IRAG2: variants seen among roughly 807,000 people sequenced by gnomAD.
The protein encoded by IRAG2 is inositol 1,4,5-triphosphate receptor associated 2, also known as lymphoid restricted membrane protein.
A neutral mutation model predicts 69.9 loss-of-function variants in IRAG2; 45 were observed. That is an observed-to-expected ratio of 0.64 (90% CI 0.51 to 0.83). IRAG2 has a LOEUF of 0.83. Among genes scored for constraint, IRAG2 ranks in the 40% least tolerant of loss-of-function variants. The probability of loss-of-function intolerance (pLI) is 0.00; values close to 1 mark genes in which losing one functional copy is unlikely to be tolerated. For missense variants in IRAG2, 520 were observed against 587.0 expected (o/e 0.89, Z 1.18); for synonymous variants, 193 against 202.4 (o/e 0.95, Z 0.40).
intron 16 of IRAG2, among the ~76,000 whole-genome samples, chr12:25,042,672 G>A (rs1944759881): frequency 1.3e-5 from 2 of 151,908 alleles, no homozygotes; most frequent in South Asian, 4.2e-4. Context: ...TCACCATGTT[G>A]GCCAGGATGG....
At chr12:25,006,615 T>C (rs560996890) in intron 2 of IRAG2, among the ~76,000 whole-genome samples, 10 of 152,298 alleles carry the variant, frequency 6.6e-5, no homozygotes, top group African/African-American at 2.2e-4. Flanking sequence ...AGCGAACTAA[T>C]GCAGGAACAG....
chr12:25,031,793 G>T (rs952058424), intron 10 of IRAG2, among the ~76,000 whole-genome samples: 10 of 152,138 alleles, frequency 6.6e-5, no homozygotes, highest in African/African-American at 2.4e-4. Context: ...CTCCTGAGTA[G>T]CTGGGATTAC....
At chr12:25,044,016 A>G (rs931912056) in intron 16 of IRAG2, among the ~76,000 whole-genome samples, 2 of 152,214 alleles carry the variant, frequency 1.3e-5, no homozygotes, top group African/African-American at 4.8e-5. Context: ...GTAACACTGT[A>G]ATGGTTGTGG....
At chr12:25,013,195 G>C (rs1454719214) in intron 3 of IRAG2, among the ~76,000 whole-genome samples, 1 of 152,146 alleles carries the variant, frequency 6.6e-6, no homozygotes, top group Non-Finnish European at 1.5e-5. Context: ...ATGCAGTCTT[G>C]GCCGGGGGTG....
At chr12:25,073,885 G>A (rs1255297847) in intron 6 of IRAG2, among the ~76,000 whole-genome samples, 1 of 152,182 alleles carries the variant, frequency 6.6e-6, no homozygotes, top group Non-Finnish European at 1.5e-5. Flanking sequence ...AACAAGATTG[G>A]CCATAGGTTG....
chr12:25,095,620 T>G (rs2140204062), intron 14 of IRAG2, among the ~76,000 whole-genome samples: 1 of 152,302 alleles, frequency 6.6e-6, no homozygotes, highest in Admixed American at 6.5e-5. Context: ...TTTAATGTCT[T>G]TTTCTGGCTT....
rs1373963525 is a variant in IRAG2, at chr12:25,103,862, T to C, written c.959T>C (p.Ile320Thr). The change falls in exon 18 of 22, where the codon ATT becomes ACT. Residue 320 changes from isoleucine to threonine, a missense_variant. Ile to Thr is a moderately conservative substitution (Grantham distance 89). Coordinates refer to ENST00000556887, the MANE Select transcript of IRAG2 (RefSeq NM_001366544.2). ...SKPSSLRRVT[I>T]ASLPRNIGNA... is the part of the protein sequence containing the mutation. ...CCATCTTCTCTACGAAGAGTGACTA[T>C]TGCCTCTTTACCCAGAAATATTGGA... The C allele has an allele frequency of 4.3e-6, 7 of 1,613,284 alleles. No individual in the cohort carries two copies. The highest frequency in any genetic ancestry group is 2.2e-5 in the South Asian group (2 of 91,056).
At position 25,004,997 on chromosome 12, in the gene IRAG2, AT is replaced by A. The variant is rs761714926; in HGVS notation, c.574+83del. On this transcript the variant is annotated intron_variant, in intron 1 of 38. Transcript: ENST00000636465. ...TTTAGAATACCTGAACTAAAAAAAA[AT>A]CTACATTATTAAAGTTTGGATGGAA... 15 of 867,894 alleles carry A rather than the reference AT, an allele frequency of 1.7e-5. No homozygotes were observed. In the Middle Eastern group the frequency reaches 1.6e-3, roughly 91 times the overall value. The allele number at this position is 867,894 out of a possible 1,614,324, so 53.8% of individuals were successfully genotyped here.
chr12:25,064,418 G>A (rs1945837569), intron 4 of IRAG2, among the ~76,000 whole-genome samples: 1 of 152,178 alleles, frequency 6.6e-6, no homozygotes, highest in Non-Finnish European at 1.5e-5. Flanking sequence ...AAGGTTTTGG[G>A]TTGAGATACA....
exon 4 of IRAG2, chr12:25,015,189 G>A (rs1944516568): frequency 8.7e-7 from 1 of 1,152,020 alleles, no homozygotes. Context: ...CAGGGAAGGA[G>A]TGAATCATAG....
upstream of IRAG2, among the ~76,000 whole-genome samples, chr12:25,003,849 T>C (rs1944410976): frequency 6.6e-6 from 1 of 152,202 alleles, no homozygotes; most frequent in East Asian, 1.9e-4. Context: ...ACCAGTACAA[T>C]ACCAATGGTA....
chr12:25,048,961 G>A (rs1351575028), upstream of IRAG2, among the ~76,000 whole-genome samples: 1 of 152,184 alleles, frequency 6.6e-6, no homozygotes, highest in African/African-American at 2.4e-5. Context: ...AAGGGGACCA[G>A]TTTCAATTTT....
chr12:25,066,256 C>T lies in IRAG2; in HGVS notation c.-206-109C>T, dbSNP rs1591985778. 16 of 394,670 alleles carry T rather than the reference C, an allele frequency of 4.1e-5. No homozygotes were observed. In the East Asian group the frequency reaches 5.4e-4, roughly 13 times the overall value. The allele number at this position is 394,670 out of a possible 1,614,324, so 24.4% of individuals were successfully genotyped here. A position where few individuals can be genotyped will look rare whatever the true frequency, so the allele number is the denominator to read the frequency against. The stretch of plus-strand genomic sequence containing the variant: ...GTTTATGTTAAAATGTGAATAGAAG[C>T]GGGTTAACTTTCACTTTTTCAGTCT... On this transcript the variant is annotated intron_variant, in intron 4 of 21. Coordinates refer to ENST00000556887, the MANE Select transcript of IRAG2 (RefSeq NM_001366544.2).
chr12:25,105,634 T>A (rs1232134348), intron 20 of IRAG2, among the ~76,000 whole-genome samples: 1 of 136,692 alleles, frequency 7.3e-6, no homozygotes, highest in African/African-American at 2.7e-5. Flanking sequence ...GAATTTGAGC[T>A]GGTTGGAAAA....
In IRAG2 at chr12:25,063,826, C is replaced by G. The variant is rs552331532; in HGVS notation, c.-207+10C>G. On this transcript the variant is annotated intron_variant, in intron 4 of 21. Coordinates refer to ENST00000556887, the MANE Select transcript of IRAG2 (RefSeq NM_001366544.2). ...TACACACCTCTGCTGGGTAAGCCCC[C>G]CTTCTATACCTGCTCAGACACAAGT... 1.0e-5 allele frequency: 4 copies of G among 398,846 alleles called. No homozygotes were observed. Among genetic ancestry groups the G allele is most frequent in the Non-Finnish European group, 1.3e-5 (3 of 226,042 alleles). 24.7% of individuals were successfully genotyped at this position (398,846 alleles called of 1,614,324 possible).
chr12:25,098,173 TCTC>T (rs1463853766), intron 15 of IRAG2, among the ~76,000 whole-genome samples: 1 of 152,178 alleles, frequency 6.6e-6, no homozygotes, highest in African/African-American at 2.4e-5. Context: ...TAAATCCGCT[TCTC>T]CACCTCTCAT....
chr12:25,015,088 G>GAAAAAAAAAAAAATAAAA (rs1944511281), intron 3 of IRAG2: 1 of 50,218 alleles, frequency 2.0e-5, no homozygotes, highest in Non-Finnish European at 3.3e-5. Flanking sequence ...GCATAAATCT[G>GAAAAAAAAAAAAATAAAA]AAAAAAAAAA....
intron 17 of IRAG2, chr12:25,103,490 C>A (rs74690685): frequency 0.057 from 10,560 of 183,692 alleles, 398 homozygotes; most frequent in Non-Finnish European, 0.081. Context: ...TTAATATAGA[C>A]AAAGGTGGTA....
At chr12:25,065,098 AAAAG>A (rs1258386572) in intron 4 of IRAG2, among the ~76,000 whole-genome samples, 2 of 151,912 alleles carry the variant, frequency 1.3e-5, no homozygotes, top group Admixed American at 6.6e-5. Flanking sequence ...TCAAAAAAAA[AAAAG>A]AGAGAGAGAA....
Sources: gnomAD v4.1 joint callset for allele counts (sites outside exome capture counted in the v4.1 genomes callset) on GRCh38, gnomAD v4.1.1 for gene constraint, MANE v1.5 for transcripts, NCBI Gene and HGNC (gene_info 2026-07-23, HGNC 2026-07-21) for gene names.